Variants in MAGI1 observed in about 807,000 individuals in gnomAD.
The protein encoded by MAGI1 is membrane-associated guanylate kinase, WW and PDZ domain-containing protein 1.
MAGI1 carries 58 observed loss-of-function variants against 139.9 expected under a neutral mutation model. That is an observed-to-expected ratio of 0.41 (90% CI 0.34 to 0.52). MAGI1 has a LOEUF of 0.52. Among genes scored for constraint, MAGI1 ranks in the 20% least tolerant of loss-of-function variants. The pLI is 0.12. For missense variants in MAGI1, 1,874 were observed against 1,901.6 expected (o/e 0.99, Z 0.27); for synonymous variants, 812 against 737.9 (o/e 1.10, Z -1.63).
intron 2 of MAGI1, among the ~76,000 whole-genome samples, chr3:65,530,650 T>C (rs1319643707): frequency 1.4e-5 from 2 of 141,866 alleles, no homozygotes; most frequent in Non-Finnish European, 3.0e-5. Flanking sequence ...TGTGTGTGTG[T>C]GTGTGTGTGT....
intron 1 of MAGI1, among the ~76,000 whole-genome samples, chr3:65,900,003 T>C (rs1446935378): frequency 1.3e-5 from 2 of 152,120 alleles, no homozygotes; most frequent in South Asian, 2.1e-4. Flanking sequence ...ACTTACATAC[T>C]TAGATCAAAG....
intron 1 of MAGI1, among the ~76,000 whole-genome samples, chr3:65,969,303 T>C (rs1024621557): frequency 1.3e-5 from 2 of 152,196 alleles, no homozygotes; most frequent in Non-Finnish European, 2.9e-5. Flanking sequence ...GAGTTATTTC[T>C]CAAGTTTGGA....
intron 1 of MAGI1, among the ~76,000 whole-genome samples, chr3:65,981,906 T>A (rs554202549): frequency 3.3e-5 from 5 of 152,198 alleles, no homozygotes; most frequent in Non-Finnish European, 5.9e-5. Context: ...TATGTCCTTA[T>A]TGGCAGTGTG....
intron 1 of MAGI1, among the ~76,000 whole-genome samples, chr3:65,711,943 A>G (rs2031493318): frequency 6.6e-6 from 1 of 152,060 alleles, no homozygotes; most frequent in Non-Finnish European, 1.5e-5. Flanking sequence ...TCTCCTTCAG[A>G]ACCCTTACCA....
At chr3:65,565,454 G>A (rs2080569757) in intron 2 of MAGI1, among the ~76,000 whole-genome samples, 1 of 152,148 alleles carries the variant, frequency 6.6e-6, no homozygotes, top group Non-Finnish European at 1.5e-5. Context: ...GTGGTCATTT[G>A]TGTTCACGGT....
At chr3:65,583,879 G>A (rs539646962) in intron 2 of MAGI1, among the ~76,000 whole-genome samples, 1 of 152,236 alleles carries the variant, frequency 6.6e-6, no homozygotes, top group Non-Finnish European at 1.5e-5. Flanking sequence ...TTTTCTCCCT[G>A]AAGATGAGAC....
intron 1 of MAGI1, among the ~76,000 whole-genome samples, chr3:65,912,461 A>C (rs977144631): frequency 1.3e-5 from 2 of 152,222 alleles, no homozygotes; most frequent in Non-Finnish European, 2.9e-5. Flanking sequence ...AGCAGCTCAC[A>C]TCTGGTTTTA....
intron 2 of MAGI1, among the ~76,000 whole-genome samples, chr3:65,605,813 C>A (rs1226260387): frequency 3.4e-4 from 52 of 152,096 alleles, no homozygotes; most frequent in Admixed American, 3.3e-3. Context: ...TGCAACTGCT[C>A]TAGGAAACAT....
intron 1 of MAGI1, among the ~76,000 whole-genome samples, chr3:65,634,728 T>TA (rs1030617457): frequency 1.3e-5 from 2 of 152,098 alleles, no homozygotes; most frequent in Non-Finnish European, 1.5e-5. Context: ...ATCTGGAATT[T>TA]AAAAAAATAA....
chr3:65,522,307 C>G (rs962903037), intron 2 of MAGI1, among the ~76,000 whole-genome samples: 1 of 152,166 alleles, frequency 6.6e-6, no homozygotes, highest in Non-Finnish European at 1.5e-5. Flanking sequence ...TCTTTCTTCA[C>G]GGAGCATTTC....
chr3:65,679,491 A>C (rs2087424997), intron 1 of MAGI1, among the ~76,000 whole-genome samples: 1 of 152,156 alleles, frequency 6.6e-6, no homozygotes, highest in Non-Finnish European at 1.5e-5. Flanking sequence ...TGAACCCAGA[A>C]GGCAGAAGTT....
intron 1 of MAGI1, among the ~76,000 whole-genome samples, chr3:65,930,927 T>C (rs1455822348): frequency 6.6e-6 from 1 of 152,076 alleles, no homozygotes; most frequent in Admixed American, 6.6e-5. Flanking sequence ...TCATGAATAA[T>C]CCACCCCTTG....
intron 1 of MAGI1, among the ~76,000 whole-genome samples, chr3:65,773,845 A>T (rs1392736923): frequency 6.6e-6 from 1 of 152,092 alleles, no homozygotes; most frequent in Non-Finnish European, 1.5e-5. Flanking sequence ...TTTTAATTCG[A>T]TATAAAGATT....
chr3:65,684,713 G>C (rs1006527003), intron 1 of MAGI1, among the ~76,000 whole-genome samples: 3 of 151,688 alleles, frequency 2.0e-5, no homozygotes, highest in Non-Finnish European at 4.4e-5. Context: ...TTTTGGTTTT[G>C]TTTTTTGAGA....
intron 12 of MAGI1, among the ~76,000 whole-genome samples, chr3:65,403,973 T>G (rs2107137077): frequency 6.6e-6 from 1 of 152,334 alleles, no homozygotes; most frequent in Non-Finnish European, 1.5e-5. Context: ...CAACATAGTC[T>G]TTAAAACATA....
At chr3:65,372,472 G>A (rs1575545244) in intron 18 of MAGI1, among the ~76,000 whole-genome samples, 1 of 152,142 alleles carries the variant, frequency 6.6e-6, no homozygotes, top group Non-Finnish European at 1.5e-5. Context: ...ATTCTGAAAG[G>A]TTCTAGGATT....
At chr3:65,997,747 G>A (rs1185536561) in intron 1 of MAGI1, among the ~76,000 whole-genome samples, 1 of 152,096 alleles carries the variant, frequency 6.6e-6, no homozygotes, top group Non-Finnish European at 1.5e-5. Context: ...TTCAACTATT[G>A]CTTTTGTGTT....
intron 2 of MAGI1, among the ~76,000 whole-genome samples, chr3:65,602,960 C>T (rs918938870): frequency 6.6e-6 from 1 of 152,006 alleles, no homozygotes; most frequent in Non-Finnish European, 1.5e-5. Flanking sequence ...ATACCATGTA[C>T]AACTTTATAC....
chr3:65,744,965 C>T (rs939554128), intron 1 of MAGI1, among the ~76,000 whole-genome samples: 1 of 151,654 alleles, frequency 6.6e-6, no homozygotes, highest in Admixed American at 6.6e-5. Flanking sequence ...CCATTCTGTC[C>T]CTCCCTCCAG....
Sources: allele counts gnomAD v4.1 joint callset (sites outside exome capture counted in the v4.1 genomes callset), GRCh38; gene constraint gnomAD v4.1.1; transcripts MANE v1.5; gene names NCBI Gene and HGNC (gene_info 2026-07-23, HGNC 2026-07-21).